KRT6B: variants seen among roughly 807,000 people sequenced by gnomAD.
The protein encoded by KRT6B is keratin 6B.
Under a neutral mutation model 44.7 loss-of-function variants are expected in KRT6B, and 29 were observed. The ratio of observed to expected loss-of-function variants is 0.65; its 90% CI spans 0.48 to 0.88. KRT6B has a LOEUF of 0.88. Ranked by LOEUF, KRT6B falls within the 40% of genes least tolerant of loss-of-function variation. The pLI, the probability that KRT6B is intolerant of heterozygous loss-of-function variation, is 0.00. For missense variants in KRT6B, 600 were observed against 724.0 expected (o/e 0.83, Z 1.97); for synonymous variants, 213 against 296.0 (o/e 0.72, Z 2.88).
rs766177343 is a variant in KRT6B at position 52,447,310 on chromosome 12, G to A, written c.1575C>T (p.Gly525=). The A allele has an allele frequency of 2.9e-5, 47 of 1,613,890 alleles. No homozygotes were observed. Among genetic ancestry groups the A allele is most frequent in the South Asian group, 7.7e-5 (7 of 91,082 alleles). ...CTCTGCCGCTGCTGGAACTAAAGCC[G>A]CCTCCAACGCCAAGACCACTGCCAT... ...YSYGSGLGVG[G]GFSSSSGRAT... is the part of the protein sequence containing the mutation. Residue 525 remains glycine, a synonymous_variant, in exon 9 of 9, where the codon GGC becomes GGT. Coordinates refer to ENST00000252252, the MANE Select transcript of KRT6B (RefSeq NM_005555.4).
chr12:52,448,300 A>C (rs1383431032), intron 6 of KRT6B, among the ~76,000 whole-genome samples: 1 of 152,226 alleles, frequency 6.6e-6, no homozygotes, highest in Non-Finnish European at 1.5e-5. Context: ...CAAAAAAACC[A>C]AAACCATTTT....
chr12:52,446,882 T>G lies in KRT6B; in HGVS notation c.*308A>C, dbSNP rs1940319105. ...TCCTCATCTGCAGCTGGACCTAGAC[T>G]GAGTTTCAGTTCTTATGGGGATATA... On this transcript the variant is annotated 3_prime_UTR_variant, in exon 9 of 9. Transcript: ENST00000252252. 2.2e-6 allele frequency: 1 copy of G among 445,168 alleles called. No homozygotes were observed. The highest frequency in any genetic ancestry group is 4.1e-6 in the Non-Finnish European group (1 of 244,982). The allele number at this position is 445,168 out of a possible 1,614,324, so 27.6% of individuals were successfully genotyped here. A position where few individuals can be genotyped will look rare whatever the true frequency, so the allele number is the denominator to read the frequency against.
At chr12:52,448,478 G>A (rs903781789) in intron 6 of KRT6B, among the ~76,000 whole-genome samples, 1 of 152,044 alleles carries the variant, frequency 6.6e-6, no homozygotes, top group Non-Finnish European at 1.5e-5. Context: ...CTTTTTCACC[G>A]TGAACCTTGA....
At chr12:52,450,704 G>A (rs1238465077) in intron 1 of KRT6B, 84 bp from the exon 2 acceptor site, 17 of 1,595,410 alleles carry the variant, frequency 1.1e-5, no homozygotes, top group South Asian at 1.0e-4. Flanking sequence ...AGGTCTGGGA[G>A]GTCCCCATGG....
chr12:52,450,594 C>G lies in KRT6B; in HGVS notation c.567G>C (p.Lys189Asn), dbSNP rs150221772. 3.8e-3 allele frequency: 6,186 copies of G among 1,613,660 alleles called. No homozygotes were observed. The East Asian group carries it at 0.12, about 31-fold the overall frequency. Residue 189 changes from lysine to asparagine, a missense_variant, in exon 2 of 9, where the codon AAG becomes AAC. This residue lies in a region of KRT6B where 31 missense variants were observed against 79.0 expected (regional missense o/e 0.39). Transcript: ENST00000252252. Reference protein sequence around the residue: ...DKVRFLEQQNKVLDTKWTLLQ... With the variant: ...DKVRFLEQQNNVLDTKWTLLQ... ...GCAGGGTCCACTTGGTGTCCAGAAC[C>G]TTGTTCTGCTGCTCTAGGAACCGCA... is the stretch of plus-strand genomic sequence containing the variant.
rs765986155 is a variant in KRT6B at position 52,451,952 on chromosome 12, C to G, written c.127G>C (p.Gly43Arg). Reference protein sequence around the residue: ...FSSISVSRSRGSGGLGGACGG... With the variant: ...FSSISVSRSRRSGGLGGACGG... The stretch of plus-strand genomic sequence containing the variant: ...CATGCGCCACCCAGGCCACCACTGC[C>G]CCTGGAGCGGGACACGGAGATGCTG... The change falls in exon 1 of 9, where the codon GGC (glycine) becomes CGC (arginine). Residue 43 changes from glycine (G) to arginine (R), a missense_variant. Gly to Arg is a moderately radical substitution (Grantham distance 125). Around this residue, in one of 4 missense-constraint regions of KRT6B, gnomAD observed 78 missense variants for 97.5 expected, o/e 0.80. Coordinates refer to ENST00000252252, the MANE Select transcript of KRT6B (RefSeq NM_005555.4). 4.3e-6 allele frequency: 7 copies of G among 1,613,306 alleles called. No individual in the cohort carries two copies. The highest frequency in any genetic ancestry group is 4.2e-6 in the Non-Finnish European group (5 of 1,180,006).
intron 6 of KRT6B, 126 bp downstream of exon 6, chr12:52,448,716 C>T: frequency 6.7e-7 from 1 of 1,493,312 alleles, no homozygotes; most frequent in Non-Finnish European, 9.2e-7. Flanking sequence ...AGCCTAGGAA[C>T]TGCATGTCTT....
chr12:52,450,758 C>G, intron 1 of KRT6B, 138 bp from the exon 2 acceptor site: 1 of 1,369,204 alleles, frequency 7.3e-7, no homozygotes, highest in Admixed American at 2.0e-5. Context: ...AGGCTGAGCT[C>G]TGCTCCCCCA....
Position 52,447,262 on chromosome 12 carries a change from A to T in KRT6B, c.1623T>A (p.Ser541=). 3 of 1,614,030 alleles carry T rather than the reference A, an allele frequency of 1.9e-6. No individual in the cohort carries two copies. Among genetic ancestry groups the T allele is most frequent in the Non-Finnish European group, 2.5e-6 (3 of 1,179,888 alleles). Residue 541 remains serine (S), a synonymous_variant, in exon 9 of 9, where the codon TCT becomes TCA. Coordinates refer to ENST00000252252, the MANE Select transcript of KRT6B (RefSeq NM_005555.4). ...TGATGGTGGAACTGCCGCCTCCAAC[A>T]GAGCTGAGGCCACCCCCAGTGGCTC... The part of the protein sequence containing the change: ...SGRATGGGLS[S]VGGGSSTIKY...
rs1416211329 is a variant in KRT6B, at chr12:52,447,199, G to A, written c.1686C>T (p.Tyr562=). 9 of 1,614,014 alleles carry A rather than the reference G, an allele frequency of 5.6e-6. No homozygotes were observed. The highest frequency in any genetic ancestry group is 1.1e-5 in the South Asian group (1 of 91,076). The change falls in exon 9 of 9, where the codon TAC becomes TAT. Residue 562 remains tyrosine, a synonymous_variant. Coordinates refer to ENST00000252252, the MANE Select transcript of KRT6B (RefSeq NM_005555.4). ...TTTSSSSRKS[Y]KH ...AGCTGGCGGCAGCACTTCAGTGCTTGTAGCTCTTCCTGCTGGAGGAGGAGG... is the reference window on the plus strand; with the variant it reads ...AGCTGGCGGCAGCACTTCAGTGCTTATAGCTCTTCCTGCTGGAGGAGGAGG...
chr12:52,450,757 T>C (rs1940390945), intron 1 of KRT6B, 137 bp from the exon 2 acceptor site: 8 of 1,375,502 alleles, frequency 5.8e-6, no homozygotes, highest in Non-Finnish European at 8.1e-6. Flanking sequence ...CAGGCTGAGC[T>C]CTGCTCCCCC....
chr12:52,450,133 G>T, intron 2 of KRT6B, 61 bp from the exon 3 acceptor site: 1 of 1,613,492 alleles, frequency 6.2e-7, no homozygotes, highest in Non-Finnish European at 8.5e-7. Flanking sequence ...CAGAAAAGCA[G>T]CTTGGGATTC....
Position 52,447,301 on chromosome 12 carries a change from A to G in KRT6B, c.1584T>C (p.Ser528=). The G allele has an allele frequency of 5.0e-6, 8 of 1,614,012 alleles. No individual in the cohort carries two copies. The highest frequency in any genetic ancestry group is 6.8e-6 in the Non-Finnish European group (8 of 1,179,866). ...CCCCAGTGGCTCTGCCGCTGCTGGA[A>G]CTAAAGCCGCCTCCAACGCCAAGAC... ...GSGLGVGGGF[S]SSSGRATGGG... is the part of the protein sequence containing the mutation. Residue 528 remains serine, a synonymous_variant, in exon 9 of 9, where the codon AGT becomes AGC. Transcript: ENST00000252252.
chr12:52,449,835 T>C lies in KRT6B; in HGVS notation c.835A>G (p.Met279Val), dbSNP rs140303040. Reference protein sequence around the residue: ...TLKKDVDAAYMNKVELQAKAD... With the variant: ...TLKKDVDAAYVNKVELQAKAD... ...TTGGCTTGCAGTTCAACCTTGTTCA[T>C]GTAGGCAGCATCCACATCCTGGGGA... Residue 279 changes from methionine (M) to valine (V), a missense_variant, in exon 4 of 9, where the codon ATG (methionine) becomes GTG (valine). Physicochemically the swap from Met to Val is conservative, Grantham distance 21. Around this residue, in one of 4 missense-constraint regions of KRT6B, gnomAD observed 479 missense variants for 454.2 expected, o/e 1.05. Transcript: ENST00000252252. The C allele has an allele frequency of 2.0e-5, 32 of 1,614,002 alleles. No homozygotes were observed. The highest frequency in any genetic ancestry group is 2.6e-5 in the Non-Finnish European group (31 of 1,179,890).
intron 5 of KRT6B, 27 bp from the exon 6 acceptor site, chr12:52,448,994 C>G (rs374325319): frequency 5.5e-5 from 89 of 1,610,406 alleles, no homozygotes; most frequent in Non-Finnish European, 6.8e-5. Flanking sequence ...GAGAGAGAGA[C>G]AGTGTCTACG....
At chr12:52,449,259 G>T (rs1386214049) in intron 5 of KRT6B, among the ~76,000 whole-genome samples, 1 of 152,194 alleles carries the variant, frequency 6.6e-6, no homozygotes. Flanking sequence ...CTATGTCCTT[G>T]TCTATCGTAG....
rs780264075 is a variant in KRT6B, at chr12:52,447,942, G to A, written c.1260C>T (p.Leu420=). The A allele has an allele frequency of 4.3e-6, 7 of 1,614,040 alleles. No homozygotes were observed. Among genetic ancestry groups the A allele is most frequent in the Non-Finnish European group, 5.9e-6 (7 of 1,180,036 alleles). ...CTTCCAGCTTGTTCTTAGCATCCTT[G>A]AGGGCCATCTCCCCACGCTGCTCAG... ...ADAEQRGEMA[L]KDAKNKLEGL... The change falls in exon 7 of 9, where the codon CTC becomes CTT. Residue 420 remains leucine, a synonymous_variant. Transcript: ENST00000252252.
At position 52,450,034 on chromosome 12, in the gene KRT6B, T is replaced by C; in HGVS notation, c.794A>G (p.Asn265Ser). ...DEINKRTAAE[N>S]EFVTLKKDVD... ...CACCTTCTTCAGAGTCACAAATTCA[T>C]TCTCTGCTGCTGTGCGCTTGTTGAT... Residue 265 changes from asparagine to serine, a missense_variant, in exon 3 of 9, where the codon AAT becomes AGT. Physicochemically the swap from Asn to Ser is conservative, Grantham distance 46. Around this residue, in one of 4 missense-constraint regions of KRT6B, gnomAD observed 479 missense variants for 454.2 expected, o/e 1.05. Coordinates refer to ENST00000252252, the MANE Select transcript of KRT6B (RefSeq NM_005555.4). 1 of 1,614,024 alleles carries C rather than the reference T, an allele frequency of 6.2e-7. No homozygotes were observed. Among genetic ancestry groups the C allele is most frequent in the Non-Finnish European group, 8.5e-7 (1 of 1,179,872 alleles).
chr12:52,450,082 G>A lies in KRT6B; in HGVS notation c.756-10C>T, dbSNP rs1387150019. On this transcript the variant is annotated splice_polypyrimidine_tract_variant and intron_variant, in intron 2 of 8. Coordinates refer to ENST00000252252, the MANE Select transcript of KRT6B (RefSeq NM_005555.4). ...GATTTCATCCTCATATCTACAGGAA[G>A]AAAGGCATGGGACACATTTGAGCCA... 2 of 1,613,974 alleles carry A rather than the reference G, an allele frequency of 1.2e-6. No homozygotes were observed. The highest frequency in any genetic ancestry group is 2.2e-5 in the East Asian group (1 of 44,890).
Sources: allele counts gnomAD v4.1 joint callset (sites outside exome capture counted in the v4.1 genomes callset), GRCh38; gene constraint gnomAD v4.1.1; regional missense constraint gnomAD v4.1.1; transcripts MANE v1.5; gene names NCBI Gene and HGNC (gene_info 2026-07-23, HGNC 2026-07-21).